The following AOAH variants were observed in gnomAD, a reference collection of about 807,000 sequenced individuals.
The protein encoded by AOAH is acyloxyacyl hydrolase.
A neutral mutation model predicts 92.2 loss-of-function variants in AOAH; 64 were observed. That is an observed-to-expected ratio of 0.69 (90% CI 0.57 to 0.86). The LOEUF (loss-of-function observed/expected upper bound fraction) is 0.86, where lower values mean the gene tolerates loss of function less well. Ranked by LOEUF, AOAH falls within the 40% of genes least tolerant of loss-of-function variation. The pLI, the probability that AOAH is intolerant of heterozygous loss-of-function variation, is 0.00. For synonymous variants in AOAH, 263 were observed against 254.5 expected (o/e 1.03, Z -0.32); for missense variants, 656 against 694.6 (o/e 0.94, Z 0.62).
intron 20 of AOAH, among the ~76,000 whole-genome samples, chr7:36,513,691 C>T (rs1370859714): frequency 6.6e-6 from 1 of 152,220 alleles, no homozygotes; most frequent in African/African-American, 2.4e-5. Context: ...ACCCGGTTGC[C>T]ATCCAGCCTG....
chr7:36,638,183 G>A (rs888912940), intron 4 of AOAH, among the ~76,000 whole-genome samples: 1 of 152,136 alleles, frequency 6.6e-6, no homozygotes. Flanking sequence ...TTTCATAGAC[G>A]AGGAAACCGA....
chr7:36,617,745 G>C (rs1372337115), intron 10 of AOAH, among the ~76,000 whole-genome samples: 1 of 152,194 alleles, frequency 6.6e-6, no homozygotes, highest in Non-Finnish European at 1.5e-5. Context: ...TGGAACTGGT[G>C]GCCCAGATGT....
intron 1 of AOAH, among the ~76,000 whole-genome samples, chr7:36,708,478 G>A (rs1018960510): frequency 4.0e-4 from 61 of 151,518 alleles, no homozygotes; most frequent in African/African-American, 1.4e-3. Flanking sequence ...TAATTCTTTC[G>A]CTATGGTGGT....
intron 6 of AOAH, among the ~76,000 whole-genome samples, chr7:36,630,023 G>A (rs1792961487): frequency 6.6e-6 from 1 of 152,166 alleles, no homozygotes. Context: ...AGGCACCCAG[G>A]GAAGATGGCC....
rs11982865 is a variant in AOAH at position 36,592,978 on chromosome 7, G to A, written c.938+1361C>T. Among the ~76,000 whole-genome samples the A allele has an allele frequency of 3.7e-3, 565 of 152,056 alleles. 6 individuals carry two copies. The highest frequency in any genetic ancestry group is 0.013 in the African/African-American group (540 of 41,402). On this transcript the variant is annotated intron_variant, in intron 12 of 20. Transcript: ENST00000617537. ...ATTATTTCTATGTAAATATGAGTAC[G>A]CTTCCCTGAAGGTTAGTTCCCTTCC...
chr7:36,547,875 A>G (rs1381443806), intron 15 of AOAH, among the ~76,000 whole-genome samples: 1 of 152,198 alleles, frequency 6.6e-6, no homozygotes, highest in Non-Finnish European at 1.5e-5. Flanking sequence ...CCCATGAGTT[A>G]TCCGCAGTTT....
At chr7:36,678,603 G>GCC (rs1421335236) in intron 2 of AOAH, among the ~76,000 whole-genome samples, 16 of 144,426 alleles carry the variant, frequency 1.1e-4, no homozygotes, top group African/African-American at 4.1e-4. Flanking sequence ...GTGTGTGTGC[G>GCC]CGCGCGCGCG....
chr7:36,714,364 C>A (rs1208219066), intron 1 of AOAH, among the ~76,000 whole-genome samples: 1 of 152,110 alleles, frequency 6.6e-6, no homozygotes, highest in East Asian at 1.9e-4. Flanking sequence ...AAGTCCAGGA[C>A]CAGATGGATT....
At chr7:36,546,992 T>A (rs975985654) in intron 15 of AOAH, among the ~76,000 whole-genome samples, 3 of 152,226 alleles carry the variant, frequency 2.0e-5, no homozygotes, top group Non-Finnish European at 4.4e-5. Flanking sequence ...GGGAATGGAA[T>A]TTGGTTAGAT....
chr7:36,559,570 C>T (rs1366982563), intron 13 of AOAH, among the ~76,000 whole-genome samples: 1 of 151,866 alleles, frequency 6.6e-6, no homozygotes, highest in Non-Finnish European at 1.5e-5. Context: ...CTGTTCATGT[C>T]TTTTGCCCAT....
At chr7:36,717,851 A>G (rs377141858) in intron 1 of AOAH, among the ~76,000 whole-genome samples, 2 of 151,614 alleles carry the variant, frequency 1.3e-5, no homozygotes, top group East Asian at 3.9e-4. Flanking sequence ...AGACAAAGGA[A>G]CAGGCACATG....
intron 1 of AOAH, among the ~76,000 whole-genome samples, chr7:36,706,884 A>T (rs1279761891): frequency 6.6e-6 from 1 of 152,080 alleles, no homozygotes; most frequent in Non-Finnish European, 1.5e-5. Context: ...GAGAGCTAGG[A>T]TTAGGCTTTG....
Position 36,649,351 on chromosome 7 carries a change from T to C in AOAH, c.390+9815A>G, listed in dbSNP as rs563355699. On this transcript the variant is annotated intron_variant, in intron 4 of 20. Transcript: ENST00000617537. ...TCTCATTTTCTTCTTTGGGTGTAGA[T>C]AACTTCATTGCACCTTTGTAATTAG... is the stretch of plus-strand genomic sequence containing the variant. Among the ~76,000 whole-genome samples the C allele has an allele frequency of 3.6e-4, 55 of 152,318 alleles. No individual in the cohort carries two copies. In the South Asian group the frequency reaches 0.01, roughly 28 times the overall value.
intron 3 of AOAH, among the ~76,000 whole-genome samples, chr7:36,668,193 T>G (rs939751662): frequency 3.3e-5 from 5 of 151,854 alleles, no homozygotes; most frequent in African/African-American, 9.7e-5. Flanking sequence ...TGAGAGGTTT[T>G]TGTGTGTGTG....
intron 6 of AOAH, among the ~76,000 whole-genome samples, chr7:36,627,698 C>T (rs1792775338): frequency 6.6e-6 from 1 of 152,160 alleles, no homozygotes; most frequent in South Asian, 2.1e-4. Context: ...CAATCCATGG[C>T]CCCTCTTCAG....
chr7:36,680,724 C>T (rs1388343464), intron 2 of AOAH, among the ~76,000 whole-genome samples: 2 of 152,330 alleles, frequency 1.3e-5, no homozygotes, highest in East Asian at 3.9e-4. Context: ...GTTCTATTTT[C>T]AGCTGGAGGT....
rs552908694 is a variant in AOAH, at chr7:36,563,121, T to C, written c.1021+13453A>G. On this transcript the variant is annotated intron_variant, in intron 13 of 20. Coordinates refer to ENST00000617537, the MANE Select transcript of AOAH (RefSeq NM_001637.4). Reference sequence around the variant, plus strand: ...GAGATCGTGCCACTGCACTCCAGCCTGTGCAACAAGAATGAAACTCCGTCT... The same window carrying C: ...GAGATCGTGCCACTGCACTCCAGCCCGTGCAACAAGAATGAAACTCCGTCT... 2.9e-4 allele frequency among the ~76,000 whole-genome samples: 33 copies of C among 113,200 alleles called. No individual in the cohort carries two copies. The East Asian group carries it at 9.3e-3, about 32-fold the overall frequency. The allele number at this position is 113,200 out of a possible 152,430, so 74.3% of individuals were successfully genotyped here. A position where few individuals can be genotyped will look rare whatever the true frequency, so the allele number is the denominator to read the frequency against.
chr7:36,524,184 C>T (rs1784261927), intron 19 of AOAH, among the ~76,000 whole-genome samples: 1 of 151,978 alleles, frequency 6.6e-6, no homozygotes, highest in Non-Finnish European at 1.5e-5. Context: ...TGTACAGATG[C>T]TAACAGAAGA....
chr7:36,626,412 C>T (rs540724730), intron 6 of AOAH, among the ~76,000 whole-genome samples: 2 of 152,210 alleles, frequency 1.3e-5, no homozygotes, highest in East Asian at 3.9e-4. Context: ...CTTTAAAGGC[C>T]CCAAGTGACT....
Sources: gnomAD v4.1 joint callset for allele counts (sites outside exome capture counted in the v4.1 genomes callset) on GRCh38, gnomAD v4.1.1 for gene constraint, MANE v1.5 for transcripts, NCBI Gene and HGNC (gene_info 2026-07-23, HGNC 2026-07-21) for gene names.